RBPJ: variants seen among roughly 807,000 people sequenced by gnomAD.
RBPJ encodes the protein recombining binding protein suppressor of hairless.
RBPJ carries 9 observed loss-of-function variants against 67.8 expected under a neutral mutation model. The observed-to-expected ratio is 0.13, with a 90% CI of 0.08 to 0.23. RBPJ has a LOEUF of 0.23. Ranked by LOEUF, RBPJ falls within the 10% of genes least tolerant of loss-of-function variation. RBPJ has a pLI of 1.00. For synonymous variants in RBPJ, 198 were observed against 203.3 expected, an observed-to-expected ratio of 0.97 and a Z score of 0.22; for missense variants, 305 against 595.6, an observed-to-expected ratio of 0.51 and a Z score of 5.08.
chr4:26,223,955 A>C lies in RBPJ; in HGVS notation c.-167+60341A>C, dbSNP rs541998285. ...AAATTACTTGATTTCTCTGTGCTTAATTTTCTAAATGGGAATAATTGTCTC... is the reference window on the plus strand; with the variant it reads ...AAATTACTTGATTTCTCTGTGCTTACTTTTCTAAATGGGAATAATTGTCTC... On this transcript the variant is annotated intron_variant, in intron 1 of 4. Transcript: ENST00000512351. 4.5e-4 allele frequency among the ~76,000 whole-genome samples: 68 copies of C among 152,304 alleles called. No individual in the cohort carries two copies. The South Asian group carries it at 4.6e-3, about 10-fold the overall frequency.
At chr4:26,202,624 C>T (rs1227493343) in intron 1 of RBPJ, among the ~76,000 whole-genome samples, 3 of 151,962 alleles carry the variant, frequency 2.0e-5, no homozygotes, top group African/African-American at 4.8e-5. Flanking sequence ...TATAATTTCT[C>T]AGCTGGGCAC....
At chr4:26,201,411 T>G (rs1717977505) in intron 1 of RBPJ, among the ~76,000 whole-genome samples, 1 of 152,230 alleles carries the variant, frequency 6.6e-6, no homozygotes, top group Non-Finnish European at 1.5e-5. Context: ...TTACAGTGAC[T>G]CTTTGTCAAA....
chr4:26,426,981 G>A (rs991885164), intron 7 of RBPJ, among the ~76,000 whole-genome samples: 1 of 152,130 alleles, frequency 6.6e-6, no homozygotes, highest in African/African-American at 2.4e-5. Context: ...TTTAAACGGG[G>A]CACGATGGCC....
intron 5 of RBPJ, among the ~76,000 whole-genome samples, chr4:26,421,761 T>C (rs549796615): frequency 2.6e-5 from 4 of 152,280 alleles, no homozygotes; most frequent in African/African-American, 9.6e-5. Context: ...CAACCAAAAT[T>C]TCTGCAATAG....
At chr4:26,344,104 G>A (rs1725863146) in intron 1 of RBPJ, among the ~76,000 whole-genome samples, 1 of 151,984 alleles carries the variant, frequency 6.6e-6, no homozygotes, top group Admixed American at 6.6e-5. Flanking sequence ...GGCTGATCTT[G>A]AACTCCTGGC....
At chr4:26,297,625 C>T (rs1264074776) in intron 1 of RBPJ, among the ~76,000 whole-genome samples, 1 of 151,852 alleles carries the variant, frequency 6.6e-6, no homozygotes, top group African/African-American at 2.4e-5. Flanking sequence ...GTCAGACACC[C>T]TGGTTTAGTC....
At chr4:26,114,657 C>T in the RBPJ span, among the ~76,000 whole-genome samples, 1 of 151,742 alleles carries the variant, frequency 6.6e-6, no homozygotes, top group Non-Finnish European at 1.5e-5. Context: ...TACGTGTTAA[C>T]GTTTTCCACA....
intron 1 of RBPJ, among the ~76,000 whole-genome samples, chr4:26,368,561 A>G (rs10939109): frequency 0.016 from 2,446 of 152,246 alleles, 35 homozygotes; most frequent in Non-Finnish European, 0.025. Context: ...AGCAGCGTGT[A>G]TTCTTTTTCT....
chr4:26,372,663 A>G (rs1245805214), intron 1 of RBPJ, among the ~76,000 whole-genome samples: 1 of 152,068 alleles, frequency 6.6e-6, no homozygotes, highest in Non-Finnish European at 1.5e-5. Flanking sequence ...CTCCTATACT[A>G]GTGTTTCCAT....
intron 1 of RBPJ, among the ~76,000 whole-genome samples, chr4:26,178,726 C>A (rs556250078): frequency 6.7e-6 from 1 of 149,298 alleles, no homozygotes; most frequent in South Asian, 2.1e-4. Context: ...ACCCACCATG[C>A]GATGTAATTC....
intron 4 of RBPJ, among the ~76,000 whole-genome samples, chr4:26,420,249 T>G (rs1428973367): frequency 6.6e-6 from 1 of 152,184 alleles, no homozygotes; most frequent in African/African-American, 2.4e-5. Flanking sequence ...CGTTGAGTGA[T>G]AATTCCATGA....
chr4:26,169,535 C>T (rs1379543121), intron 1 of RBPJ, among the ~76,000 whole-genome samples: 1 of 152,130 alleles, frequency 6.6e-6, no homozygotes, highest in Non-Finnish European at 1.5e-5. Context: ...AGAGACCCAC[C>T]TGAGGAGGCA....
chr4:26,419,784 T>C (rs1734946780), intron 4 of RBPJ, among the ~76,000 whole-genome samples: 1 of 152,166 alleles, frequency 6.6e-6, no homozygotes, highest in Non-Finnish European at 1.5e-5. Context: ...AGCAGTAGCA[T>C]TTTGAAGGGT....
At chr4:26,202,970 T>G (rs868486049) in intron 1 of RBPJ, among the ~76,000 whole-genome samples, 19 of 138,608 alleles carry the variant, frequency 1.4e-4, no homozygotes, top group African/African-American at 3.5e-4. Context: ...AGGAAGGAAA[T>G]AAGGAAGGAA....
At chr4:26,391,031 T>A (rs1731444570) in intron 2 of RBPJ, among the ~76,000 whole-genome samples, 1 of 152,216 alleles carries the variant, frequency 6.6e-6, no homozygotes. Flanking sequence ...CACTCCAGCC[T>A]AGATGACAGA....
upstream of RBPJ, among the ~76,000 whole-genome samples, chr4:26,160,626 G>A (rs772252732): frequency 7.2e-5 from 11 of 152,208 alleles, no homozygotes; most frequent in Admixed American, 2.6e-4. Context: ...AGGGGAGATG[G>A]TCTGCTCTTC....
intron 1 of RBPJ, among the ~76,000 whole-genome samples, chr4:26,324,769 T>C (rs1390372750): frequency 6.6e-6 from 1 of 152,198 alleles, no homozygotes; most frequent in Admixed American, 6.5e-5. Flanking sequence ...CCTCAAGGGA[T>C]CTGCCCACCT....
intron 1 of RBPJ, among the ~76,000 whole-genome samples, chr4:26,260,094 G>T (rs1022662131): frequency 1.3e-5 from 2 of 152,210 alleles, no homozygotes; most frequent in South Asian, 4.1e-4. Flanking sequence ...GTTAATTTTG[G>T]AGCAAAACAG....
At chr4:26,157,354 G>T in the RBPJ span, among the ~76,000 whole-genome samples, 28 of 152,164 alleles carry the variant, frequency 1.8e-4, no homozygotes, top group Admixed American at 1.5e-3. Flanking sequence ...GATCACTCAA[G>T]CCCAGGAGTT....
Sources: gnomAD v4.1 joint callset for allele counts (sites outside exome capture counted in the v4.1 genomes callset) on GRCh38, gnomAD v4.1.1 for gene constraint, MANE v1.5 for transcripts, NCBI Gene and HGNC (gene_info 2026-07-23, HGNC 2026-07-21) for gene names.